The following ARL15 variants were observed in gnomAD, a reference collection of about 807,000 sequenced individuals.
ARL15 encodes ADP-ribosylation factor-like protein 15.
Under a neutral mutation model 25.2 loss-of-function variants are expected in ARL15, and 19 were observed. The ratio of observed to expected loss-of-function variants is 0.75; its 90% CI spans 0.53 to 1.10. The LOEUF is 1.10. ARL15 is among the 50% of genes least tolerant of loss of function. ARL15 has a pLI of 0.00. For synonymous variants in ARL15, 94 were observed against 86.8 expected, an observed-to-expected ratio of 1.08 and a Z score of -0.46; for missense variants, 220 against 246.0, an observed-to-expected ratio of 0.89 and a Z score of 0.71.
chr5:53,951,839 A>G (rs1746976271), intron 4 of ARL15, among the ~76,000 whole-genome samples: 1 of 144,970 alleles, frequency 6.9e-6, no homozygotes, highest in South Asian at 2.1e-4. Flanking sequence ...TAGACTTTAC[A>G]TAAAAGAATT....
chr5:53,942,884 A>C (rs1746590783), intron 4 of ARL15, among the ~76,000 whole-genome samples: 1 of 152,162 alleles, frequency 6.6e-6, no homozygotes. Context: ...GGGTGTGATA[A>C]GCAGCCACCA....
rs77391133 is a variant in ARL15 at position 53,894,690 on chromosome 5, C to G, written c.463-7977G>C. ...TCTACTCCAGTTATTCTATCAGGCCCTCTACAGCCTGAGGGATTCCTGCAT... is the reference window on the plus strand; with the variant it reads ...TCTACTCCAGTTATTCTATCAGGCCGTCTACAGCCTGAGGGATTCCTGCAT... On this transcript the variant is annotated intron_variant, in intron 4 of 4. Transcript: ENST00000504924. Among the ~76,000 whole-genome samples the G allele has an allele frequency of 2.0e-5, 3 of 152,220 alleles. No individual in the cohort carries two copies. In the East Asian group the frequency reaches 5.8e-4, roughly 30 times the overall value.
intron 4 of ARL15, among the ~76,000 whole-genome samples, chr5:54,027,498 T>C (rs1749817269): frequency 6.6e-6 from 1 of 152,222 alleles, no homozygotes; most frequent in Non-Finnish European, 1.5e-5. Context: ...TGTTAAGAGA[T>C]GTATACTATG....
chr5:54,218,388 C>G (rs1579921737), intron 1 of ARL15, among the ~76,000 whole-genome samples: 1 of 152,176 alleles, frequency 6.6e-6, no homozygotes, highest in East Asian at 1.9e-4. Context: ...ACAGACAAAT[C>G]TCCTTCAATG....
At chr5:53,889,600 C>T (rs532478515) in intron 4 of ARL15, among the ~76,000 whole-genome samples, 1 of 152,358 alleles carries the variant, frequency 6.6e-6, no homozygotes, top group East Asian at 1.9e-4. Context: ...CCAATATTCA[C>T]TCCACTGGTA....
chr5:54,088,333 A>C (rs1413641909), intron 4 of ARL15, among the ~76,000 whole-genome samples: 1 of 152,222 alleles, frequency 6.6e-6, no homozygotes, highest in Non-Finnish European at 1.5e-5. Context: ...TACGTATGTG[A>C]CTGAAATGGC....
At chr5:54,070,893 G>A (rs1333022702) in intron 4 of ARL15, among the ~76,000 whole-genome samples, 1 of 151,952 alleles carries the variant, frequency 6.6e-6, no homozygotes, top group East Asian at 1.9e-4. Flanking sequence ...TCTTGGCCAG[G>A]TGCAATGGCT....
At chr5:54,305,328 C>T (rs529001000) in intron 1 of ARL15, among the ~76,000 whole-genome samples, 17 of 152,116 alleles carry the variant, frequency 1.1e-4, no homozygotes, top group Admixed American at 7.2e-4. Flanking sequence ...GGTGAAACCC[C>T]GTCTCTACTA....
At chr5:53,972,105 C>T (rs188926632) in intron 4 of ARL15, among the ~76,000 whole-genome samples, 97 of 152,120 alleles carry the variant, frequency 6.4e-4, no homozygotes, top group African/African-American at 2.3e-3. Flanking sequence ...ATACTATTCT[C>T]TCAACTTTTG....
chr5:54,013,563 C>T (rs1749311912), intron 4 of ARL15, among the ~76,000 whole-genome samples: 1 of 152,200 alleles, frequency 6.6e-6, no homozygotes, highest in African/African-American at 2.4e-5. Flanking sequence ...TGGTAAGATG[C>T]AGGCATAGCT....
chr5:54,185,654 A>G (rs1417097705), intron 1 of ARL15, among the ~76,000 whole-genome samples: 2 of 152,206 alleles, frequency 1.3e-5, no homozygotes, highest in African/African-American at 4.8e-5. Flanking sequence ...ACTGATAGCT[A>G]ATCTAGAAAA....
intron 4 of ARL15, among the ~76,000 whole-genome samples, chr5:53,958,897 C>T (rs527950964): frequency 4.6e-5 from 7 of 152,008 alleles, no homozygotes; most frequent in Admixed American, 6.5e-5. Context: ...ATCAGATCTC[C>T]AAAGTATATG....
chr5:54,142,504 C>T (rs1440359993), intron 3 of ARL15, among the ~76,000 whole-genome samples: 2 of 152,148 alleles, frequency 1.3e-5, no homozygotes, highest in East Asian at 3.9e-4. Flanking sequence ...GAGGACCAAA[C>T]TGAGCCACGA....
intron 4 of ARL15, among the ~76,000 whole-genome samples, chr5:54,039,328 A>C (rs1750260596): frequency 6.6e-6 from 1 of 152,210 alleles, no homozygotes; most frequent in Non-Finnish European, 1.5e-5. Flanking sequence ...ATTAAGACTA[A>C]AGTAGAGAAA....
At chr5:54,274,106 G>A (rs1036871853) in intron 1 of ARL15, among the ~76,000 whole-genome samples, 1 of 152,146 alleles carries the variant, frequency 6.6e-6, no homozygotes, top group African/African-American at 2.4e-5. Flanking sequence ...GGGGAGTGCT[G>A]TAGATTGAGT....
rs146774489 is a variant in ARL15 at position 54,068,864 on chromosome 5, A to G, written c.462+44338T>C. 4.0e-3 allele frequency among the ~76,000 whole-genome samples: 606 copies of G among 152,278 alleles called. 4 individuals are homozygous for G. Among genetic ancestry groups the G allele is most frequent in the Middle Eastern group, 0.027 (8 of 294 alleles). ...GTTCTGGAGCTCACTTCACTGCTTG[A>G]CTTCTTAGCTCAGCTCTGCCATTTC... On this transcript the variant is annotated intron_variant, in intron 4 of 4. Coordinates refer to ENST00000504924, the MANE Select transcript of ARL15 (RefSeq NM_019087.3).
At chr5:54,018,568 G>A (rs1008036390) in intron 4 of ARL15, among the ~76,000 whole-genome samples, 14 of 152,200 alleles carry the variant, frequency 9.2e-5, no homozygotes, top group Admixed American at 7.2e-4. Flanking sequence ...AATGCACCGT[G>A]ATCTGGGAAA....
intron 3 of ARL15, among the ~76,000 whole-genome samples, chr5:54,140,322 A>T (rs1441191477): frequency 6.6e-6 from 1 of 151,874 alleles, no homozygotes; most frequent in Non-Finnish European, 1.5e-5. Context: ...ATTGTTTATT[A>T]TAATATGGTA....
Position 54,274,626 on chromosome 5 carries a change from C to T in ARL15, c.48+35806G>A, listed in dbSNP as rs918530675. 4.6e-5 allele frequency among the ~76,000 whole-genome samples: 7 copies of T among 152,134 alleles called. No individual in the cohort carries two copies. In the South Asian group the frequency reaches 8.3e-4, roughly 18 times the overall value. On this transcript the variant is annotated intron_variant, in intron 1 of 4. Coordinates refer to ENST00000504924, the MANE Select transcript of ARL15 (RefSeq NM_019087.3). ...AGAAAGAAAACATTTAGGTCAGGCT[C>T]GGCGGCTCATGCCTGTAATCCCAGC...
Sources: gnomAD v4.1 joint callset for allele counts (sites outside exome capture counted in the v4.1 genomes callset) on GRCh38, gnomAD v4.1.1 for gene constraint, MANE v1.5 for transcripts, NCBI Gene and HGNC (gene_info 2026-07-23, HGNC 2026-07-21) for gene names.